PRKN: variants seen among roughly 807,000 people sequenced by gnomAD.
The protein encoded by PRKN is parkin RBR E3 ubiquitin protein ligase, also known as E3 ubiquitin-protein ligase parkin.
In PRKN, 56 loss-of-function variants were observed where a neutral mutation model predicts 59.5. The ratio of observed to expected loss-of-function variants is 0.94; its 90% CI spans 0.76 to 1.18. PRKN has a LOEUF of 1.18. Ranked by LOEUF, PRKN falls within the 50% of genes most tolerant of loss-of-function variation. The probability of loss-of-function intolerance (pLI) is 0.00; values close to 1 mark genes in which losing one functional copy is unlikely to be tolerated. For missense variants in PRKN, 657 were observed against 596.4 expected (o/e 1.10, Z -1.06); for synonymous variants, 250 against 222.1 (o/e 1.13, Z -1.12).
chr6:161,556,249 C>T (rs1780234018), intron 8 of PRKN, among the ~76,000 whole-genome samples: 1 of 152,004 alleles, frequency 6.6e-6, no homozygotes, highest in Admixed American at 6.6e-5. Context: ...ATTCCTTTTT[C>T]AAAGGAAGAC....
intron 1 of PRKN, among the ~76,000 whole-genome samples, chr6:162,510,332 A>G (rs1777540275): frequency 1.3e-5 from 2 of 152,222 alleles, no homozygotes. Flanking sequence ...TTCATGCCAC[A>G]GAACTTGTTC....
chr6:162,463,336 G>A (rs1000451517), intron 1 of PRKN, among the ~76,000 whole-genome samples: 10 of 152,120 alleles, frequency 6.6e-5, no homozygotes, highest in Admixed American at 3.3e-4. Context: ...TGTCTAATAA[G>A]AAACAAAACC....
intron 4 of PRKN, among the ~76,000 whole-genome samples, chr6:162,068,556 G>A (rs1019836247): frequency 6.6e-6 from 1 of 152,142 alleles, no homozygotes; most frequent in Non-Finnish European, 1.5e-5. Context: ...CCTTGCAGCT[G>A]TCATTACAAG....
At chr6:162,240,958 T>C (rs951196) in intron 3 of PRKN, among the ~76,000 whole-genome samples, 55,147 of 152,088 alleles carry the variant, frequency 0.36, 11,994 homozygotes, top group East Asian at 0.78. Context: ...GTGAAGACTA[T>C]AGAACTGCCC....
intron 6 of PRKN, among the ~76,000 whole-genome samples, chr6:161,882,098 C>G (rs1418928505): frequency 6.6e-6 from 1 of 152,154 alleles, no homozygotes; most frequent in East Asian, 1.9e-4. Context: ...ATAGAAACAG[C>G]AAATATAAAA....
intron 6 of PRKN, among the ~76,000 whole-genome samples, chr6:161,919,456 G>C (rs1778697654): frequency 6.6e-6 from 1 of 152,166 alleles, no homozygotes; most frequent in Admixed American, 6.5e-5. Flanking sequence ...ATGTGTATTA[G>C]AAATGATCGA....
In PRKN at chr6:161,554,193, TC is replaced by T. The variant is rs1256270218; in HGVS notation, c.934-5191del. On this transcript the variant is annotated intron_variant, in intron 8 of 11. Transcript: ENST00000366898. The surrounding 1 kb of genome is among the most constrained non-coding windows in gnomAD (Gnocchi z 4.5). ...CATAATTACAATATTCCATAATTGC[TC>T]ATTTGCTTTTTCTCACATTACACAA... Among the ~76,000 whole-genome samples the T allele has an allele frequency of 6.6e-6, 1 of 152,218 alleles. No individual in the cohort carries two copies. Among genetic ancestry groups the T allele is most frequent in the Non-Finnish European group, 1.5e-5 (1 of 68,038 alleles).
chr6:161,427,204 G>A (rs1036836385), intron 9 of PRKN, among the ~76,000 whole-genome samples: 2 of 152,122 alleles, frequency 1.3e-5, no homozygotes, highest in Non-Finnish European at 2.9e-5. Context: ...ATTTTTAGAC[G>A]AGACAGGATT....
At chr6:162,421,229 C>T (rs150556141) in intron 2 of PRKN, among the ~76,000 whole-genome samples, 27 of 152,308 alleles carry the variant, frequency 1.8e-4, no homozygotes, top group Admixed American at 6.5e-4. Context: ...ACAGGCAGCA[C>T]CTGCGTGGCT....
chr6:161,505,778 A>C (rs1394627692), intron 9 of PRKN, among the ~76,000 whole-genome samples: 1 of 95,182 alleles, frequency 1.1e-5, no homozygotes, highest in Non-Finnish European at 2.2e-5. Context: ...TTTATTAAAT[A>C]GGGAATCCTT....
chr6:161,487,998 G>C lies in PRKN; in HGVS notation c.1083+60856C>G, dbSNP rs960701787. Among the ~76,000 whole-genome samples the C allele has an allele frequency of 2.0e-5, 3 of 152,204 alleles. No homozygotes were observed. The highest frequency in any genetic ancestry group is 7.2e-5 in the African/African-American group (3 of 41,438). On this transcript the variant is annotated intron_variant, in intron 9 of 11. Transcript: ENST00000366898. The surrounding 1 kb of genome is among the most constrained non-coding windows in gnomAD (Gnocchi z 5.3). Reference sequence around the variant, plus strand: ...TCTCCCATGAAATGGGGTGGAGAGAGGGGAAAGGCAGAAAATAAGCAAGGC... The same window carrying C: ...TCTCCCATGAAATGGGGTGGAGAGACGGGAAAGGCAGAAAATAAGCAAGGC...
At chr6:162,248,152 CAGA>C (rs906085228) in intron 3 of PRKN, among the ~76,000 whole-genome samples, 4 of 152,150 alleles carry the variant, frequency 2.6e-5, no homozygotes, top group African/African-American at 9.7e-5. Flanking sequence ...GCTGTCAAAT[CAGA>C]AGGACGCTCA....
At chr6:161,978,001 T>A (rs1781115184) in intron 5 of PRKN, among the ~76,000 whole-genome samples, 1 of 151,704 alleles carries the variant, frequency 6.6e-6, no homozygotes, top group African/African-American at 2.4e-5. Flanking sequence ...CAGGCTAATT[T>A]GCAGTTATTT....
In PRKN at chr6:162,133,770, G is replaced by A. The variant is rs562727439; in HGVS notation, c.534+67361C>T. On this transcript the variant is annotated intron_variant, in intron 4 of 11. Coordinates refer to ENST00000366898, the MANE Select transcript of PRKN (RefSeq NM_004562.3). ...TGGCCCATGTGGCCGGTGTGCATTC[G>A]GCGGACTCTGATGTCCCAGAAGTCA... Among the ~76,000 whole-genome samples the A allele has an allele frequency of 1.2e-3, 185 of 152,166 alleles. 1 individual carries two copies. Among genetic ancestry groups the A allele is most frequent in the East Asian group, 5.8e-4 (3 of 5,166 alleles).
rs991806180 is a variant in PRKN at position 161,355,440 on chromosome 6, C to T, written c.1285+4648G>A. 3.9e-5 allele frequency among the ~76,000 whole-genome samples: 6 copies of T among 152,232 alleles called. No individual in the cohort carries two copies. The highest frequency in any genetic ancestry group is 3.2e-3 in the Middle Eastern group (1 of 316). The stretch of plus-strand genomic sequence containing the variant: ...TTTTTGAGACGGAGTCTCACTGTGT[C>T]ACCCAGGCCGAAGTGCAATGGTGCA... On this transcript the variant is annotated intron_variant, in intron 11 of 11. Transcript: ENST00000366898. This position sits in a 1 kb window ranked among gnomAD's most constrained non-coding sequence, Gnocchi z 6.8.
chr6:162,003,094 T>G lies in PRKN; in HGVS notation c.619-29677A>C, dbSNP rs150012038. ...GAGAAGAATATGTATTCTGTTGTTGTTGGTGGTGGAAGTGGTCTATAGAGG... is the reference window on the plus strand; with the variant it reads ...GAGAAGAATATGTATTCTGTTGTTGGTGGTGGTGGAAGTGGTCTATAGAGG... On this transcript the variant is annotated intron_variant, in intron 5 of 11. Coordinates refer to ENST00000366898, the MANE Select transcript of PRKN (RefSeq NM_004562.3). 8.9e-4 allele frequency among the ~76,000 whole-genome samples: 136 copies of G among 152,102 alleles called. 2 individuals are homozygous for G. Among genetic ancestry groups the G allele is most frequent in the African/African-American group, 2.2e-3 (92 of 41,492 alleles).
intron 2 of PRKN, among the ~76,000 whole-genome samples, chr6:162,335,226 G>C (rs192886632): frequency 2.0e-5 from 3 of 151,228 alleles, no homozygotes; most frequent in South Asian, 4.2e-4. Context: ...ATTTTTAGTA[G>C]AGATGGGGTT....
intron 1 of PRKN, among the ~76,000 whole-genome samples, chr6:162,668,068 T>C (rs576465871): frequency 6.6e-6 from 1 of 152,348 alleles, no homozygotes; most frequent in East Asian, 1.9e-4. Flanking sequence ...CTTATAATTA[T>C]GTTGATTAAA....
chr6:161,759,836 G>A (rs1402421260), intron 7 of PRKN, among the ~76,000 whole-genome samples: 2 of 151,914 alleles, frequency 1.3e-5, no homozygotes, highest in East Asian at 1.9e-4. Context: ...TTAGAAATAT[G>A]TACACCTGAA....
Sources: allele counts gnomAD v4.1 joint callset (sites outside exome capture counted in the v4.1 genomes callset), GRCh38; gene constraint gnomAD v4.1.1; non-coding constraint Gnocchi (gnomAD v3.1); transcripts MANE v1.5; gene names NCBI Gene and HGNC (gene_info 2026-07-23, HGNC 2026-07-21).